The following MTHFD2L variants were observed in gnomAD, a reference collection of about 807,000 sequenced individuals.
The protein encoded by MTHFD2L is bifunctional methylenetetrahydrofolate dehydrogenase/cyclohydrolase 2, mitochondrial.
Under a neutral mutation model 34.9 loss-of-function variants are expected in MTHFD2L, and 29 were observed. That is an observed-to-expected ratio of 0.83 (90% CI 0.62 to 1.13). The LOEUF (loss-of-function observed/expected upper bound fraction) is 1.13. Ranked by LOEUF, MTHFD2L falls within the 50% of genes most tolerant of loss-of-function variation. The probability of loss-of-function intolerance (pLI) is 0.00; values close to 1 mark genes in which losing one functional copy is unlikely to be tolerated. For synonymous variants in MTHFD2L, 167 were observed against 155.7 expected (o/e 1.07, Z -0.54); for missense variants, 481 against 446.5 (o/e 1.08, Z -0.70).
At chr4:74,174,416 A>G in intron 1 of MTHFD2L, 90 bp from the exon 2 acceptor site, 3 of 1,036,124 alleles carry the variant, frequency 2.9e-6, no homozygotes, top group Non-Finnish European at 3.8e-6. Flanking sequence ...TTGGAGAATC[A>G]TGGTGGTTTT....
chr4:74,219,178 G>A (rs911983143), intron 5 of MTHFD2L, among the ~76,000 whole-genome samples: 2 of 152,030 alleles, frequency 1.3e-5, no homozygotes, highest in Admixed American at 6.6e-5. Flanking sequence ...CTGCCAGTGC[G>A]GCAGGTGCCC....
intron 3 of MTHFD2L, among the ~76,000 whole-genome samples, chr4:74,176,156 G>A (rs1198991766): frequency 2.6e-5 from 4 of 151,890 alleles, no homozygotes; most frequent in African/African-American, 9.7e-5. Context: ...CACTTTCCTC[G>A]TTTGTGTGAT....
intron 6 of MTHFD2L, among the ~76,000 whole-genome samples, chr4:74,247,848 T>C (rs1364982309): frequency 6.6e-6 from 1 of 152,186 alleles, no homozygotes; most frequent in East Asian, 1.9e-4. Flanking sequence ...TCATGGTGGA[T>C]AAGCTTTTTG....
At chr4:74,238,078 G>A (rs569775852) in intron 6 of MTHFD2L, among the ~76,000 whole-genome samples, 2 of 152,218 alleles carry the variant, frequency 1.3e-5, no homozygotes, top group South Asian at 2.1e-4. Context: ...CATTTTAATA[G>A]CATCAGCATA....
At chr4:74,210,112 T>C (rs917028939) in intron 5 of MTHFD2L, among the ~76,000 whole-genome samples, 2 of 152,220 alleles carry the variant, frequency 1.3e-5, no homozygotes, top group Admixed American at 1.3e-4. Context: ...GATGGATAGA[T>C]TGCAAATTTT....
intron 5 of MTHFD2L, among the ~76,000 whole-genome samples, chr4:74,205,299 G>T (rs1273543622): frequency 1.3e-5 from 2 of 152,164 alleles, no homozygotes; most frequent in African/African-American, 4.8e-5. Flanking sequence ...GACTCCATGT[G>T]CATTGTTAGC....
chr4:74,122,238 G>C (rs1410048064), upstream of MTHFD2L, among the ~76,000 whole-genome samples: 2 of 152,172 alleles, frequency 1.3e-5, no homozygotes, highest in Non-Finnish European at 2.9e-5. Context: ...AAGGAAAAGA[G>C]GTTTAATTGA....
intron 3 of MTHFD2L, among the ~76,000 whole-genome samples, chr4:74,186,298 TTTCCTC>T (rs1268869468): frequency 2.6e-5 from 4 of 151,936 alleles, no homozygotes; most frequent in Non-Finnish European, 5.9e-5. Flanking sequence ...CACTGAGTGT[TTTCCTC>T]TTACAATCAA....
upstream of MTHFD2L, among the ~76,000 whole-genome samples, chr4:74,154,595 G>A (rs112417800): frequency 4.8e-3 from 725 of 152,166 alleles, 10 homozygotes; most frequent in African/African-American, 0.017. Context: ...AACCCTTTCA[G>A]TTGGCTCCTG....
At chr4:74,131,110 T>A (rs1159378161) in intron 1 of MTHFD2L, among the ~76,000 whole-genome samples, 2 of 152,136 alleles carry the variant, frequency 1.3e-5, no homozygotes, top group East Asian at 1.9e-4. Flanking sequence ...GGAAAAACAT[T>A]CTATGCTCAT....
At chr4:74,222,619 A>G (rs1283110522) in intron 5 of MTHFD2L, among the ~76,000 whole-genome samples, 1 of 152,074 alleles carries the variant, frequency 6.6e-6, no homozygotes, top group Non-Finnish European at 1.5e-5. Context: ...CCCAATCCTC[A>G]CACTTTTTTA....
In MTHFD2L at chr4:74,175,376, G is replaced by C; in HGVS notation, c.424G>C (p.Gly142Arg). The change falls in exon 3 of 8, where the codon GGT becomes CGT. Residue 142 changes from glycine to arginine, a missense_variant. Coordinates refer to ENST00000325278, the MANE Select transcript of MTHFD2L (RefSeq NM_001144978.3). ...DQLNMDPRVSGILVQLPLPDH... is the reference protein window; with the variant it reads ...DQLNMDPRVSRILVQLPLPDH... ...ATTGAATATGGACCCAAGAGTCAGC[G>C]GTATATTAGTTCAGTTACCACTACC... 1 of 1,611,656 alleles carries C rather than the reference G, an allele frequency of 6.2e-7. No homozygotes were observed. Among genetic ancestry groups the C allele is most frequent in the Non-Finnish European group, 8.5e-7 (1 of 1,178,778 alleles).
chr4:74,268,948 G>A (rs1273004876), intron 6 of MTHFD2L, among the ~76,000 whole-genome samples: 4 of 151,920 alleles, frequency 2.6e-5, no homozygotes, highest in African/African-American at 9.7e-5. Flanking sequence ...TTTTGCCTAG[G>A]CAACATTGGT....
chr4:74,258,647 TACAC>T (rs146819196), intron 6 of MTHFD2L, among the ~76,000 whole-genome samples: 43 of 152,264 alleles, frequency 2.8e-4, no homozygotes, highest in African/African-American at 9.9e-4. Context: ...TGACTGTATA[TACAC>T]ACACATAAAA....
chr4:74,135,723 A>G (rs1227430396), intron 1 of MTHFD2L, among the ~76,000 whole-genome samples: 2 of 152,122 alleles, frequency 1.3e-5, no homozygotes, highest in African/African-American at 4.8e-5. Context: ...CTAGAGGCCA[A>G]TATCACCAGT....
At position 74,281,505 on chromosome 4, in the gene MTHFD2L, C is replaced by T. The variant is rs1433521023; in HGVS notation, c.886C>T (p.Pro296Ser). ...IDVGINYVHD[P>S]VTGKTKLVGD... ...TGTGGGTATCAACTATGTCCACGAT[C>T]CAGTGACAGGAAAGACAAAATTAGT... is the stretch of plus-strand genomic sequence containing the variant. Residue 296 changes from proline to serine, a missense_variant, in exon 7 of 8, where the codon CCA becomes TCA. Transcript: ENST00000325278. 6.2e-7 allele frequency: 1 copy of T among 1,612,496 alleles called. No homozygotes were observed. The highest frequency in any genetic ancestry group is 1.1e-5 in the South Asian group (1 of 91,018).
At chr4:74,249,061 G>A (rs1742922165) in intron 6 of MTHFD2L, among the ~76,000 whole-genome samples, 1 of 152,160 alleles carries the variant, frequency 6.6e-6, no homozygotes, top group South Asian at 2.1e-4. Context: ...TTGTTGATCT[G>A]TCTAATGTTA....
intron 5 of MTHFD2L, among the ~76,000 whole-genome samples, chr4:74,218,318 C>A (rs1737549186): frequency 6.6e-6 from 1 of 151,966 alleles, no homozygotes; most frequent in African/African-American, 2.4e-5. Context: ...GACACAGAAT[C>A]CAGAGTTGAA....
At chr4:74,151,736 G>T (rs1723952515) in intron 1 of MTHFD2L, among the ~76,000 whole-genome samples, 1 of 152,148 alleles carries the variant, frequency 6.6e-6, no homozygotes, top group Non-Finnish European at 1.5e-5. Flanking sequence ...TGGATTAATA[G>T]ATTATTTTAG....
Sources: gnomAD v4.1 joint callset for allele counts (sites outside exome capture counted in the v4.1 genomes callset) on GRCh38, gnomAD v4.1.1 for gene constraint, MANE v1.5 for transcripts, NCBI Gene and HGNC (gene_info 2026-07-23, HGNC 2026-07-21) for gene names.